Variants in TTN observed in about 807,000 individuals in gnomAD.
TTN encodes connectin.
In TTN, 1,525 loss-of-function variants were observed where a neutral mutation model predicts 3,223.0. That is an observed-to-expected ratio of 0.47 (90% confidence interval 0.45 to 0.49). TTN has a LOEUF of 0.49. TTN is among the 20% of genes least tolerant of loss of function. The pLI is 0.00. For missense variants in TTN, 40,786 were observed against 43,424.0 expected (o/e 0.94, Z 5.40); for synonymous variants, 14,094 against 15,161.0 (o/e 0.93, Z 5.17).
At position 178,527,072 on chromosome 2, in the gene TTN, A is replaced by T; in HGVS notation, c.107916T>A (p.Ser35972Arg). 1 of 1,613,880 alleles carries T rather than the reference A, an allele frequency of 6.2e-7. No individual in the cohort carries two copies. The highest frequency in any genetic ancestry group is 1.3e-5 in the African/African-American group (1 of 75,024). Reference sequence around the variant, plus strand: ...AGTCAGATCCAAATTCATTCCCTAAACTCAGGGTATAAAGTCCACCATCTT... The same window carrying T: ...AGTCAGATCCAAATTCATTCCCTAATCTCAGGGTATAAAGTCCACCATCTT... The part of the protein sequence containing the change: ...QKQDGGLYTL[S>R]LGNEFGSDSA... The change falls in exon 363 of 363, where the codon AGT (serine) becomes AGA (arginine). Residue 35972 changes from serine to arginine, a missense_variant. Transcript: ENST00000589042.
chr2:178,571,665 C>T lies in TTN; in HGVS notation c.74467G>A (p.Ala24823Thr). The T allele has an allele frequency of 1.9e-6, 3 of 1,613,440 alleles. No homozygotes were observed. The highest frequency in any genetic ancestry group is 1.7e-6 in the Non-Finnish European group (2 of 1,179,600). ...CCCCAGGAAAGAGTAATACTATCAGCTGTCACTTCATCCATTTTAACTGGT... is the reference window on the plus strand; with the variant it reads ...CCCCAGGAAAGAGTAATACTATCAGTTGTCACTTCATCCATTTTAACTGGT... Reference protein sequence around the residue: ...TGPVKMDEVTADSITLSWGPP... With the variant: ...TGPVKMDEVTTDSITLSWGPP... Residue 24823 changes from alanine to threonine, a missense_variant, in exon 326 of 363, where the codon GCT becomes ACT. Transcript: ENST00000589042.
chr2:178,562,967 A>C lies in TTN; in HGVS notation c.83165T>G (p.Ile27722Arg), dbSNP rs794729515. 6.2e-7 allele frequency: 1 copy of C among 1,613,714 alleles called. No homozygotes were observed. Among genetic ancestry groups the C allele is most frequent in the Non-Finnish European group, 8.5e-7 (1 of 1,179,748 alleles). The change falls in exon 326 of 363, where the codon ATA becomes AGA. Residue 27722 changes from isoleucine to arginine, a missense_variant. Physicochemically the swap from Ile to Arg is moderately conservative, Grantham distance 97. Transcript: ENST00000589042. ...CATTGTAAATGAGCTGGTCACCTCTATCTGAGCCCTGTCAGTGAGAATGCC... is the reference window on the plus strand; with the variant it reads ...CATTGTAAATGAGCTGGTCACCTCTCTCTGAGCCCTGTCAGTGAGAATGCC... ...AEGILTDRAQ[I>R]EVTSSFTMLV... is the part of the protein sequence containing the mutation.
chr2:178,708,528 A>G (rs1318623776), intron 99 of TTN, among the ~76,000 whole-genome samples: 2 of 152,224 alleles, frequency 1.3e-5, no homozygotes, highest in Non-Finnish European at 2.9e-5. Context: ...TATTGCAAAG[A>G]TTAAAACTTC....
chr2:178,692,913 G>A (rs896088340), intron 119 of TTN, among the ~76,000 whole-genome samples: 18 of 151,586 alleles, frequency 1.2e-4, no homozygotes, highest in Non-Finnish European at 2.5e-4. Context: ...CTTTTATAAA[G>A]CAGTTTCATA....
rs578056698 is a variant in TTN, at chr2:178,639,709, T to A, written c.40866A>T (p.Gly13622=). Residue 13622 remains glycine, a synonymous_variant, in exon 223 of 363, where the codon GGA becomes GGT. Transcript: ENST00000589042. ...IAAPVTVPVV[G]KKAEAKAPKE... is the part of the protein sequence containing the mutation. Reference sequence around the variant, plus strand: ...CTACAGGATAAATACCTGCTTTCTTTCCAACCACTGGCACTGTTACTGGGG... The same window carrying A: ...CTACAGGATAAATACCTGCTTTCTTACCAACCACTGGCACTGTTACTGGGG... 5 of 1,611,618 alleles carry A rather than the reference T, an allele frequency of 3.1e-6. No homozygotes were observed. The African/African-American group carries it at 6.7e-5, about 22-fold the overall frequency.
chr2:178,782,640 T>A, intron 18 of TTN, 38 bp from the exon 19 acceptor site: 1 of 1,610,552 alleles, frequency 6.2e-7, no homozygotes, highest in South Asian at 1.1e-5. Context: ...AGATGAGATG[T>A]TTAGTGACCC....
At chr2:178,737,389 C>T (rs1210656848) in intron 49 of TTN, 1 of 152,006 alleles carries the variant, frequency 6.6e-6, no homozygotes, top group Non-Finnish European at 1.5e-5. Flanking sequence ...CAACCTCTGC[C>T]TCCTGGCTTC....
Position 178,720,576 on chromosome 2 carries a change from G to A in TTN, c.23186C>T (p.Pro7729Leu). ...VILQCEISGT[P>L]PFEVVWVKDR... Reference sequence around the variant, plus strand: ...TTTAACCCATACTACTTCAAATGGGGGAGTTCCCGAAATTTCACATTGGAG... The same window carrying A: ...TTTAACCCATACTACTTCAAATGGGAGAGTTCCCGAAATTTCACATTGGAG... The change falls in exon 80 of 363, where the codon CCC becomes CTC. Residue 7729 changes from proline (P) to leucine (L), a missense_variant. Transcript: ENST00000589042. 1 of 1,613,296 alleles carries A rather than the reference G, an allele frequency of 6.2e-7. No homozygotes were observed.
Position 178,738,268 on chromosome 2 carries a change from C to T in TTN, c.14185G>A (p.Val4729Ile), listed in dbSNP as rs1279065978. 6.2e-7 allele frequency: 1 copy of T among 1,613,574 alleles called. No individual in the cohort carries two copies. Among genetic ancestry groups the T allele is most frequent in the East Asian group, 2.2e-5 (1 of 44,762 alleles). ...CCAGCTTTAAACCACTGGAACCGGA[C>T]ATTGGGAGCACTTTGGATCTCACAG... ...FTCEIQSAPNVRFQWFKAGRE... is the reference protein window; with the variant it reads ...FTCEIQSAPNIRFQWFKAGRE... The change falls in exon 49 of 363, where the codon GTC (valine) becomes ATC (isoleucine). Residue 4729 changes from valine to isoleucine, a missense_variant. Val to Ile is a conservative substitution (Grantham distance 29). Coordinates refer to ENST00000589042, the MANE Select transcript of TTN (RefSeq NM_001267550.2).
chr2:178,578,755 C>T (rs369692062), intron 320 of TTN, 40 bp from the exon 321 acceptor site: 1 of 1,603,042 alleles, frequency 6.2e-7, no homozygotes, highest in East Asian at 2.2e-5. Flanking sequence ...TAATAAGAAG[C>T]CTCCTCAAAA....
At position 178,551,080 on chromosome 2, in the gene TTN, G is replaced by A. The variant is rs1318850182; in HGVS notation, c.91451C>T (p.Thr30484Ile). ...ATAGCGATCCCCAGGACTGAGTCCTGTAACTGTGTACTGACATTCACTGAC... is the reference window on the plus strand; with the variant it reads ...ATAGCGATCCCCAGGACTGAGTCCTATAACTGTGTACTGACATTCACTGAC... ...TDVSECQYTV[T>I]GLSPGDRYEF... Residue 30484 changes from threonine to isoleucine, a missense_variant, in exon 336 of 363, where the codon ACA becomes ATA. Thr to Ile is a moderately conservative substitution (Grantham distance 89). Transcript: ENST00000589042. The A allele has an allele frequency of 6.2e-7, 1 of 1,613,224 alleles. No individual in the cohort carries two copies. Among genetic ancestry groups the A allele is most frequent in the Non-Finnish European group, 8.5e-7 (1 of 1,179,630 alleles).
chr2:178,765,033 A>G (rs1464466396), intron 41 of TTN, among the ~76,000 whole-genome samples: 1 of 152,166 alleles, frequency 6.6e-6, no homozygotes, highest in Non-Finnish European at 1.5e-5. Flanking sequence ...CTTCAGAAAG[A>G]TATTTTTGAT....
rs751014194 is a variant in TTN at position 178,681,089 on chromosome 2, G to T, written c.33330C>A (p.Pro11110=). The T allele has an allele frequency of 1.3e-6, 2 of 1,599,338 alleles. No individual in the cohort carries two copies. The highest frequency in any genetic ancestry group is 1.8e-5 in the Admixed American group (1 of 56,628). Residue 11110 remains proline (P), a synonymous_variant, in exon 138 of 363, where the codon CCC becomes CCA. Coordinates refer to ENST00000589042, the MANE Select transcript of TTN (RefSeq NM_001267550.2). ...AGGAAATCATTATACCTTTAGCAGC[G>T]GGTTCAGTCACCTGCTCTTTTTCAC... ...TKREKEQVTE[P]AAKVPMKPKR...
rs1299301898 is a variant in TTN at position 178,565,721 on chromosome 2, G to C, written c.80411C>G (p.Pro26804Arg). Residue 26804 changes from proline (P) to arginine (R), a missense_variant, in exon 326 of 363, where the codon CCT becomes CGT. Coordinates refer to ENST00000589042, the MANE Select transcript of TTN (RefSeq NM_001267550.2). The stretch of plus-strand genomic sequence containing the variant: ...GACTCTGCTACCGCCATCATGTTCA[G>C]GTTTCTCCCACATAAGTGATGCACT... ...QTSASLMWEK[P>R]EHDGGSRVLG... 6.2e-7 allele frequency: 1 copy of C among 1,613,556 alleles called. No homozygotes were observed. The highest frequency in any genetic ancestry group is 1.7e-5 in the Admixed American group (1 of 59,986).
intron 133 of TTN, among the ~76,000 whole-genome samples, chr2:178,683,621 C>G (rs538810605): frequency 6.6e-6 from 1 of 152,180 alleles, no homozygotes; most frequent in South Asian, 2.1e-4. Flanking sequence ...CTTCACCTCA[C>G]TTCTAAGACA....
chr2:178,713,353 T>A lies in TTN; in HGVS notation c.26781A>T (p.Ser8927=). The A allele has an allele frequency of 6.5e-7, 1 of 1,548,198 alleles. No homozygotes were observed. Among genetic ancestry groups the A allele is most frequent in the Admixed American group, 2.0e-5 (1 of 50,726 alleles). ...LQVSDRTVPP[S]FTRKLKETNG... Reference sequence around the variant, plus strand: ...TTGTCTCTTTCAATTTTCTTGTGAATGAAGGAGGAACGGTTCGGTCTGAAT... The same window carrying A: ...TTGTCTCTTTCAATTTTCTTGTGAAAGAAGGAGGAACGGTTCGGTCTGAAT... The change falls in exon 93 of 363, where the codon TCA becomes TCT. Residue 8927 remains serine, a synonymous_variant. Transcript: ENST00000589042.
At position 178,697,175 on chromosome 2, in the gene TTN, G is replaced by C; in HGVS notation, c.30755-7C>G. 1 of 1,518,612 alleles carries C rather than the reference G, an allele frequency of 6.6e-7. No individual in the cohort carries two copies. 94.1% of individuals were successfully genotyped at this position (1,518,612 alleles called of 1,614,324 possible). A position where few individuals can be genotyped will look rare whatever the true frequency, so the allele number is the denominator to read the frequency against. On this transcript the variant is annotated splice_region_variant and splice_polypyrimidine_tract_variant and intron_variant, in intron 112 of 362. Coordinates refer to ENST00000589042, the MANE Select transcript of TTN (RefSeq NM_001267550.2). ...GGAGGCTTCTTGACAATCTCTGGGA[G>C]TTTAAAAACATAAAAATGTGTGTTT...
rs72648993 is a variant in TTN at position 178,713,304 on chromosome 2, C to T, written c.26830G>A (p.Val8944Ile). 21 of 1,596,118 alleles carry T rather than the reference C, an allele frequency of 1.3e-5. No individual in the cohort carries two copies. Among genetic ancestry groups the T allele is most frequent in the African/African-American group, 2.7e-5 (2 of 74,694 alleles). The change falls in exon 93 of 363, where the codon GTA (valine) becomes ATA (isoleucine). Residue 8944 changes from valine (V) to isoleucine (I), a missense_variant. Physicochemically the swap from Val to Ile is conservative, Grantham distance 29. Coordinates refer to ENST00000589042, the MANE Select transcript of TTN (RefSeq NM_001267550.2). ...ETNGLSGSSV[V>I]MECKVYGSPP... ...GACCCATAGACTTTACACTCCATTACAACTGAGGAGCCGGATAGACCATTT... is the reference window on the plus strand; with the variant it reads ...GACCCATAGACTTTACACTCCATTATAACTGAGGAGCCGGATAGACCATTT...
intron 43 of TTN, chr2:178,761,116 C>T (rs1034358654): frequency 1.3e-5 from 2 of 152,124 alleles, no homozygotes; most frequent in African/African-American, 2.4e-5. Flanking sequence ...TTCTTTGAGG[C>T]CATTCTTCTC....
Sources: gnomAD v4.1 joint callset for allele counts (sites outside exome capture counted in the v4.1 genomes callset) on GRCh38, gnomAD v4.1.1 for gene constraint, MANE v1.5 for transcripts, NCBI Gene and HGNC (gene_info 2026-07-23, HGNC 2026-07-21) for gene names.